Variants in PLCZ1 observed in about 807,000 individuals in gnomAD.
PLCZ1 encodes the protein phospholipase C zeta 1.
PLCZ1 carries 64 observed loss-of-function variants against 76.8 expected under a neutral mutation model. That is an observed-to-expected ratio of 0.83 (90% CI 0.68 to 1.03). PLCZ1 has a LOEUF of 1.03. PLCZ1 is among the 50% of genes least tolerant of loss of function. The pLI is 0.00. For synonymous variants in PLCZ1, 248 were observed against 230.8 expected (o/e 1.07, Z -0.68); for missense variants, 751 against 713.7 (o/e 1.05, Z -0.60).
At chr12:18,700,984 ATTT>A (rs60921824) in intron 9 of PLCZ1, among the ~76,000 whole-genome samples, 73,503 of 149,446 alleles carry the variant, frequency 0.49, 19,370 homozygotes, top group South Asian at 0.63. Context: ...AATTATAGAG[ATTT>A]TTTTTTTTTT....
chr12:18,646,639 T>C, the PLCZ1 span, among the ~76,000 whole-genome samples: 2 of 152,168 alleles, frequency 1.3e-5, no homozygotes, highest in Non-Finnish European at 2.9e-5. Flanking sequence ...TGCTTCTTTT[T>C]GGCATATATT....
At chr12:18,650,698 G>GTATA in the PLCZ1 span, among the ~76,000 whole-genome samples, 2 of 29,110 alleles carry the variant, frequency 6.9e-5, no homozygotes, top group African/African-American at 1.3e-4. Context: ...GTGTGTGTGT[G>GTATA]TGTGTGTATA....
At chr12:18,720,000 C>T (rs537122732) in intron 4 of PLCZ1, among the ~76,000 whole-genome samples, 2 of 152,194 alleles carry the variant, frequency 1.3e-5, no homozygotes, top group African/African-American at 4.8e-5. Context: ...CTGCCTCCGA[C>T]TAACTTCCCA....
At chr12:18,719,322 T>A in intron 5 of PLCZ1, 109 bp downstream of exon 5, 1 of 561,642 alleles carries the variant, frequency 1.8e-6, no homozygotes, top group Non-Finnish European at 2.8e-6. Flanking sequence ...TGAGTTTGGA[T>A]AACATGGAGA....
At chr12:18,713,653 T>A (rs980219486) in intron 5 of PLCZ1, 1 of 152,240 alleles carries the variant, frequency 6.6e-6, no homozygotes, top group East Asian at 1.9e-4. Context: ...AAAATCAAGG[T>A]TTATGCAAAG....
At chr12:18,693,863 C>T in intron 12 of PLCZ1, 1 of 1,532,772 alleles carries the variant, frequency 6.5e-7, no homozygotes, top group South Asian at 1.1e-5. Context: ...GACGAAGAAG[C>T]CCATCTTTCA....
At chr12:18,668,573 G>C in the PLCZ1 span, among the ~76,000 whole-genome samples, 1 of 152,050 alleles carries the variant, frequency 6.6e-6, no homozygotes, top group Non-Finnish European at 1.5e-5. Flanking sequence ...ATGCATGCTG[G>C]ACCATCATCT....
chr12:18,700,594 G>T (rs999599750), intron 9 of PLCZ1, among the ~76,000 whole-genome samples: 11 of 147,438 alleles, frequency 7.5e-5, no homozygotes, highest in Admixed American at 1.4e-4. Context: ...ATGATATAAA[G>T]CTGACTCCTT....
chr12:18,724,133 G>C (rs1219053128), intron 3 of PLCZ1, among the ~76,000 whole-genome samples: 2 of 152,084 alleles, frequency 1.3e-5, no homozygotes. Context: ...TTTCTGAATA[G>C]GAAAATCAAT....
chr12:18,663,954 T>C, the PLCZ1 span, among the ~76,000 whole-genome samples: 4 of 152,104 alleles, frequency 2.6e-5, no homozygotes, highest in Non-Finnish European at 5.9e-5. Flanking sequence ...AATAGACATT[T>C]CTCCAAAGAA....
At chr12:18,650,607 G>T in the PLCZ1 span, among the ~76,000 whole-genome samples, 4 of 145,940 alleles carry the variant, frequency 2.7e-5, no homozygotes, top group Non-Finnish European at 6.0e-5. Flanking sequence ...TATGAGAGCT[G>T]ATACGGGCTC....
At chr12:18,712,745 C>T in intron 6 of PLCZ1, 97 bp downstream of exon 6, 1 of 1,413,316 alleles carries the variant, frequency 7.1e-7, no homozygotes, top group Non-Finnish European at 9.9e-7. Context: ...TTTGAAATAT[C>T]ATCTAAAGTA....
In PLCZ1 at chr12:18,701,565, T is replaced by C. The variant is rs762172750; in HGVS notation, c.953A>G (p.Asp318Gly). 1 of 1,613,976 alleles carries C rather than the reference T, an allele frequency of 6.2e-7. No individual in the cohort carries two copies. ...HERKGSDKRG[D>G]NQDKETGVKK... ...TACCCCTGTTTCCTTGTCTTGATTG[T>C]CTCCTAAAACAGATTCCAATACTTC... Residue 318 changes from aspartate (D) to glycine (G), a missense_variant, in exon 9 of 15, where the codon GAC becomes GGC. Asp to Gly is a moderately conservative substitution (Grantham distance 94). Transcript: ENST00000266505.
the PLCZ1 span, among the ~76,000 whole-genome samples, chr12:18,663,929 T>C: frequency 1.3e-5 from 2 of 152,114 alleles, no homozygotes; most frequent in African/African-American, 4.8e-5. Context: ...GTTTAAGTAA[T>C]AGGCTATGGA....
chr12:18,676,817 A>G, the PLCZ1 span, among the ~76,000 whole-genome samples: 1 of 152,160 alleles, frequency 6.6e-6, no homozygotes, highest in South Asian at 2.1e-4. Flanking sequence ...TTATGCTAGG[A>G]AGAGGTCTGA....
intron 13 of PLCZ1, chr12:18,685,683 G>T: frequency 3.9e-6 from 2 of 513,224 alleles, no homozygotes; most frequent in Admixed American, 2.0e-5. Flanking sequence ...AATTTCATGG[G>T]GTACAGAGGC....
intron 5 of PLCZ1, among the ~76,000 whole-genome samples, chr12:18,716,432 T>C (rs2137483928): frequency 6.6e-6 from 1 of 152,368 alleles, no homozygotes; most frequent in South Asian, 2.1e-4. Context: ...TGCAATGTCA[T>C]GCCAACCACT....
chr12:18,705,005 A>T (rs909208483), intron 7 of PLCZ1, among the ~76,000 whole-genome samples, 161 bp downstream of exon 7: 5 of 152,160 alleles, frequency 3.3e-5, no homozygotes, highest in African/African-American at 9.7e-5. Context: ...CTAAGCATTC[A>T]TGAGAACATT....
chr12:18,705,836 AG>A (rs1290623725), intron 6 of PLCZ1, among the ~76,000 whole-genome samples: 1 of 152,100 alleles, frequency 6.6e-6, no homozygotes, highest in Non-Finnish European at 1.5e-5. Flanking sequence ...ATTGCATTCC[AG>A]CCTGGGTGAC....
Sources: allele counts gnomAD v4.1 joint callset (sites outside exome capture counted in the v4.1 genomes callset), GRCh38; gene constraint gnomAD v4.1.1; transcripts MANE v1.5; gene names NCBI Gene and HGNC (gene_info 2026-07-23, HGNC 2026-07-21).